Variants in UPF1 observed in about 807,000 individuals in gnomAD.
UPF1 encodes regulator of nonsense transcripts 1.
Under a neutral mutation model 129.2 loss-of-function variants are expected in UPF1, and 9 were observed. That is an observed-to-expected ratio of 0.07 (90% CI 0.04 to 0.12). The LOEUF (loss-of-function observed/expected upper bound fraction) is 0.12. Ranked by LOEUF, UPF1 falls within the 10% of genes least tolerant of loss-of-function variation. The probability of loss-of-function intolerance (pLI) is 1.00; values close to 1 mark genes in which losing one functional copy is unlikely to be tolerated. For synonymous variants in UPF1, 649 were observed against 644.9 expected (o/e 1.01, Z -0.10); for missense variants, 788 against 1,525.3 (o/e 0.52, Z 8.05).
chr19:18,852,112 G>T, intron 5 of UPF1, 23 bp from the exon 6 acceptor site: 1 of 1,586,820 alleles, frequency 6.3e-7, no homozygotes, highest in Non-Finnish European at 8.6e-7. Flanking sequence ...GGACGAGTGT[G>T]GCGCGGTGTT....
intron 9 of UPF1, 21 bp downstream of exon 9, chr19:18,854,730 G>GC (rs2055696785): frequency 6.2e-7 from 1 of 1,611,040 alleles, no homozygotes; most frequent in African/African-American, 1.3e-5. Context: ...TCCCATCACT[G>GC]CCCCCTGTTC....
Position 18,847,853 on chromosome 19 carries a change from A to G in UPF1, c.461+20A>G. ...TGGCAGGTAGATAATCAGACCATGC[A>G]TGTGTGTTTAATCAGTGCTGTGCTC... On this transcript the variant is annotated intron_variant, in intron 3 of 23. Coordinates refer to ENST00000262803, the MANE Select transcript of UPF1 (RefSeq NM_002911.4). 11 of 1,610,560 alleles carry G rather than the reference A, an allele frequency of 6.8e-6. No individual in the cohort carries two copies. Among genetic ancestry groups the G allele is most frequent in the Non-Finnish European group, 7.6e-6 (9 of 1,176,796 alleles).
intron 13 of UPF1, among the ~76,000 whole-genome samples, chr19:18,856,557 T>C: frequency 6.6e-6 from 1 of 152,292 alleles, no homozygotes; most frequent in South Asian, 2.1e-4. Context: ...TCCTGCTCTT[T>C]CATAACCAAC....
In UPF1 at chr19:18,865,826, T is replaced by C. The variant is rs189373439; in HGVS notation, c.3237+48T>C. ...ACTTACCTGAGTGAGGGTGGGGCTA[T>C]GCACCTGAAACATTCCCTCTGAAGA... On this transcript the variant is annotated intron_variant, in intron 22 of 23. Transcript: ENST00000262803. The surrounding 1 kb of genome is among the most constrained non-coding windows in gnomAD (Gnocchi z 6.1). The C allele has an allele frequency of 6.9e-4, 1,106 of 1,606,882 alleles. 2 individuals are homozygous for C. In the Admixed American group the frequency reaches 8.1e-3, roughly 12 times the overall value.
chr19:18,860,254 C>G, intron 15 of UPF1, 67 bp from the exon 16 acceptor site: 2 of 1,520,794 alleles, frequency 1.3e-6, no homozygotes, highest in Non-Finnish European at 1.8e-6. Context: ...CTACATTGCC[C>G]TGTGTCTGAA....
intron 1 of UPF1, among the ~76,000 whole-genome samples, chr19:18,833,515 G>A (rs1008882686): frequency 6.6e-6 from 1 of 151,914 alleles, no homozygotes; most frequent in Non-Finnish European, 1.5e-5. Context: ...AGAAGTATCG[G>A]GCATGCATTT....
intron 1 of UPF1, among the ~76,000 whole-genome samples, chr19:18,836,892 T>TA (rs1207114439): frequency 6.6e-6 from 1 of 151,894 alleles, no homozygotes; most frequent in Non-Finnish European, 1.5e-5. Flanking sequence ...TAGCTGGGAC[T>TA]ACAGGTGTGT....
chr19:18,857,635 C>A, intron 15 of UPF1, 102 bp downstream of exon 15: 1 of 1,316,186 alleles, frequency 7.6e-7, no homozygotes, highest in Non-Finnish European at 1.0e-6. Flanking sequence ...CCCTGAGCGG[C>A]TTCACATAGC....
intron 15 of UPF1, 69 bp downstream of exon 15, chr19:18,857,602 G>T: frequency 6.8e-7 from 1 of 1,468,826 alleles, no homozygotes; most frequent in Non-Finnish European, 9.1e-7. Context: ...GGACTGGGGA[G>T]AAGGAACTGG....
chr19:18,856,540 A>G (rs548515341), intron 13 of UPF1, among the ~76,000 whole-genome samples: 1 of 152,278 alleles, frequency 6.6e-6, no homozygotes, highest in African/African-American at 2.4e-5. Flanking sequence ...CAGTGGATCT[A>G]GAACACTCCT....
intron 1 of UPF1, among the ~76,000 whole-genome samples, chr19:18,833,514 G>A (rs1402326217): frequency 6.6e-6 from 1 of 151,886 alleles, no homozygotes; most frequent in Non-Finnish European, 1.5e-5. Context: ...GAGAAGTATC[G>A]GGCATGCATT....
chr19:18,847,007 T>G (rs1343634951), intron 2 of UPF1, among the ~76,000 whole-genome samples: 1 of 152,194 alleles, frequency 6.6e-6, no homozygotes, highest in Non-Finnish European at 1.5e-5. Flanking sequence ...GAGCCCTGCC[T>G]CTGTCTGTGG....
intron 1 of UPF1, among the ~76,000 whole-genome samples, chr19:18,842,481 G>T (rs2055551905): frequency 6.6e-6 from 1 of 152,084 alleles, no homozygotes; most frequent in African/African-American, 2.4e-5. Context: ...AGAGTGTCCA[G>T]CTGGAGGGGT....
At position 18,864,664 on chromosome 19, in the gene UPF1, CCTT is replaced by C. The variant is rs1009129180; in HGVS notation, c.2857+416_2857+418del. ...GTCTCAAACTCCTGCCTCAAGCAGT[CCTT>C]CTGCTCAGCCTCCCAAAGTGCTGGG... On this transcript the variant is annotated intron_variant, in intron 20 of 23. Coordinates refer to ENST00000262803, the MANE Select transcript of UPF1 (RefSeq NM_002911.4). 8.0e-5 allele frequency among the ~76,000 whole-genome samples: 12 copies of C among 150,164 alleles called. No individual in the cohort carries two copies. In the South Asian group the frequency reaches 1.3e-3, roughly 16 times the overall value.
intron 23 of UPF1, 149 bp downstream of exon 23, chr19:18,866,315 G>T (rs998500562): frequency 1.6e-6 from 2 of 1,286,368 alleles, no homozygotes; most frequent in African/African-American, 3.0e-5. Flanking sequence ...GGCCAGCTTG[G>T]CCTGTGCCCT....
chr19:18,854,047 G>T (rs1487751587), intron 8 of UPF1, among the ~76,000 whole-genome samples: 2 of 152,224 alleles, frequency 1.3e-5, no homozygotes, highest in Non-Finnish European at 2.9e-5. Flanking sequence ...CGGTTTTGGG[G>T]CTCGGGGTCG....
Position 18,832,377 on chromosome 19 carries a change from T to TGGCGGCGCGGGAGGCCCG in UPF1, c.180_197dup (p.Gly61_Gly66dup), listed in dbSNP as rs892784557. ...CCGGCGGCCCCGGCGGCCCGGGCGG[T>TGGCGGCGCGGGAGGCCCG]GGCGGCGCGGGAGGCCCGGGCGGCG... On this transcript the variant is annotated inframe_insertion, in exon 1 of 24. Coordinates refer to ENST00000262803, the MANE Select transcript of UPF1 (RefSeq NM_002911.4). The surrounding 1 kb of genome is among the most constrained non-coding windows in gnomAD (Gnocchi z 5.6). The TGGCGGCGCGGGAGGCCCG allele has an allele frequency of 4.1e-6, 5 of 1,227,580 alleles. No individual in the cohort carries two copies. The highest frequency in any genetic ancestry group is 1.6e-5 in the African/African-American group (1 of 62,228). 76.0% of individuals were successfully genotyped at this position (1,227,580 alleles called of 1,614,324 possible). A position where few individuals can be genotyped will look rare whatever the true frequency, so the allele number is the denominator to read the frequency against.
intron 18 of UPF1, among the ~76,000 whole-genome samples, chr19:18,862,506 C>G (rs1237816015): frequency 1.3e-5 from 2 of 152,036 alleles, no homozygotes; most frequent in African/African-American, 2.4e-5. Context: ...AGAAGGGACC[C>G]CGAGAACAAG....
intron 1 of UPF1, among the ~76,000 whole-genome samples, chr19:18,842,279 C>T (rs1167624121): frequency 6.6e-6 from 1 of 152,156 alleles, no homozygotes; most frequent in Non-Finnish European, 1.5e-5. Flanking sequence ...CTGTAAAAGA[C>T]GTTATGAAGA....
Sources: gnomAD v4.1 joint callset for allele counts (sites outside exome capture counted in the v4.1 genomes callset) on GRCh38, gnomAD v4.1.1 for gene constraint, Gnocchi (gnomAD v3.1) non-coding constraint, MANE v1.5 for transcripts, NCBI Gene and HGNC (gene_info 2026-07-23, HGNC 2026-07-21) for gene names.